The following SRRM4 variants were observed in gnomAD, a reference collection of about 807,000 sequenced individuals.
SRRM4 encodes the protein serine/arginine repetitive matrix 4, also known as serine/arginine repetitive matrix protein 4.
SRRM4 carries 33 observed loss-of-function variants against 68.9 expected under a neutral mutation model. The ratio of observed to expected loss-of-function variants is 0.48; its 90% CI spans 0.36 to 0.64. The LOEUF (loss-of-function observed/expected upper bound fraction) is 0.64. Among genes scored for constraint, SRRM4 ranks in the 30% least tolerant of loss-of-function variants. The pLI, the probability that SRRM4 is intolerant of heterozygous loss-of-function variation, is 0.00. For synonymous variants in SRRM4, 318 were observed against 318.8 expected (o/e 1.00, Z 0.03); for missense variants, 817 against 827.1 (o/e 0.99, Z 0.15).
At chr12:118,991,688 A>G (rs1463122309) in intron 1 of SRRM4, 2 of 152,240 alleles carry the variant, frequency 1.3e-5, no homozygotes, top group African/African-American at 4.8e-5. Context: ...GGAATTGCCA[A>G]TATTCAAAAC....
intron 1 of SRRM4, among the ~76,000 whole-genome samples, chr12:119,005,005 A>G (rs1260707102): frequency 4.0e-5 from 6 of 150,590 alleles, no homozygotes; most frequent in East Asian, 2.4e-4. Flanking sequence ...GCAGCATCAC[A>G]GTTCCTGTGG....
chr12:119,152,679 T>C (rs1195868892), intron 10 of SRRM4, among the ~76,000 whole-genome samples: 2 of 152,210 alleles, frequency 1.3e-5, no homozygotes, highest in East Asian at 3.8e-4. Flanking sequence ...TCATCTTGAC[T>C]CTTTCTTATA....
intron 1 of SRRM4, among the ~76,000 whole-genome samples, chr12:119,101,030 A>T (rs151189203): frequency 1.3e-5 from 2 of 152,104 alleles, no homozygotes; most frequent in African/African-American, 2.4e-5. Flanking sequence ...TTCAATATTG[A>T]CTGGGCTTGA....
intron 1 of SRRM4, among the ~76,000 whole-genome samples, chr12:119,043,430 T>G (rs1424363915): frequency 6.6e-6 from 1 of 152,130 alleles, no homozygotes; most frequent in Non-Finnish European, 1.5e-5. Flanking sequence ...GGATAGCTAA[T>G]GCATGTGGGG....
intron 2 of SRRM4, 158 bp from the exon 3 acceptor site, chr12:119,114,120 T>C: frequency 1.8e-6 from 1 of 565,530 alleles, no homozygotes; most frequent in Non-Finnish European, 3.2e-6. Flanking sequence ...AGGTACTTAG[T>C]CTGAAGTGTG....
In SRRM4 at chr12:119,145,668, C is replaced by G. The variant is rs968778458; in HGVS notation, c.1059C>G (p.Ser353Arg). ...GAMLENLSPT[S>R]RGRESRGFQS... ...TGTTGGAGAATCTCTCCCCCACCAG[C>G]AGGGGCAGAGAGTCAAGGTCAGTGC... The change falls in exon 9 of 13, where the codon AGC (serine) becomes AGG (arginine). Residue 353 changes from serine to arginine, a missense_variant. By Grantham distance (110) the Ser-to-Arg change is moderately radical. Coordinates refer to ENST00000267260, the MANE Select transcript of SRRM4 (RefSeq NM_194286.4). 4 of 1,522,624 alleles carry G rather than the reference C, an allele frequency of 2.6e-6. No individual in the cohort carries two copies. In the African/African-American group the frequency reaches 5.6e-5, roughly 21 times the overall value. The allele number at this position is 1,522,624 out of a possible 1,614,324, so 94.3% of individuals were successfully genotyped here.
At position 118,996,405 on chromosome 12, in the gene SRRM4, C is replaced by CA. The variant is rs142831177; in HGVS notation, c.131+14398dup. On this transcript the variant is annotated intron_variant, in intron 1 of 12. Coordinates refer to ENST00000267260, the MANE Select transcript of SRRM4 (RefSeq NM_194286.4). The stretch of plus-strand genomic sequence containing the variant: ...CTTGTGCAAAAAGATTTCACATATG[C>CA]AAAAAACAAAAAATAAAATTTTCTC... Among the ~76,000 whole-genome samples, 1,355 of 151,972 alleles carry CA rather than the reference C, an allele frequency of 8.9e-3. 29 individuals carry two copies. In the East Asian group the frequency reaches 0.1, roughly 12 times the overall value.
chr12:119,003,770 G>A (rs1051517652), intron 1 of SRRM4, among the ~76,000 whole-genome samples: 2 of 151,986 alleles, frequency 1.3e-5, no homozygotes, highest in Non-Finnish European at 2.9e-5. Context: ...TCATATCTCA[G>A]TGAATGCTTT....
At chr12:119,068,081 C>T (rs920295658) in intron 1 of SRRM4, among the ~76,000 whole-genome samples, 10 of 152,344 alleles carry the variant, frequency 6.6e-5, no homozygotes, top group African/African-American at 1.9e-4. Context: ...ACCGTGGCAG[C>T]GTAACCTGGT....
At chr12:119,107,899 G>C (rs1954116933) in intron 2 of SRRM4, among the ~76,000 whole-genome samples, 1 of 152,060 alleles carries the variant, frequency 6.6e-6, no homozygotes, top group African/African-American at 2.4e-5. Context: ...TCTTTTAATT[G>C]TGATGTTAGG....
intron 1 of SRRM4, among the ~76,000 whole-genome samples, chr12:119,017,978 A>G (rs1953492189): frequency 6.6e-6 from 1 of 152,224 alleles, no homozygotes; most frequent in African/African-American, 2.4e-5. Flanking sequence ...CCTCATCACT[A>G]ACGTGAGGCA....
chr12:119,028,569 T>G (rs1953565470), intron 1 of SRRM4, among the ~76,000 whole-genome samples: 1 of 152,212 alleles, frequency 6.6e-6, no homozygotes, highest in Admixed American at 6.5e-5. Context: ...GCCTCTTTCT[T>G]TTGTAAATTC....
intron 1 of SRRM4, among the ~76,000 whole-genome samples, chr12:119,029,965 C>T (rs538706927): frequency 1.3e-5 from 2 of 152,294 alleles, no homozygotes; most frequent in Admixed American, 6.5e-5. Flanking sequence ...ACCCATGCAG[C>T]TGTCCCAAGG....
rs1254794341 is a variant in SRRM4 at position 119,130,546 on chromosome 12, C to A, written c.615-132C>A. 4 of 804,784 alleles carry A rather than the reference C, an allele frequency of 5.0e-6. No individual in the cohort carries two copies. In the Admixed American group the frequency reaches 9.4e-5, roughly 19 times the overall value. The allele number at this position is 804,784 out of a possible 1,614,324, so 49.9% of individuals were successfully genotyped here. Reference sequence around the variant, plus strand: ...ACACACATGCAGACATACCTAGGAACAATATCACATATGAACATATACAAA... The same window carrying A: ...ACACACATGCAGACATACCTAGGAAAAATATCACATATGAACATATACAAA... On this transcript the variant is annotated intron_variant, in intron 7 of 12. Coordinates refer to ENST00000267260, the MANE Select transcript of SRRM4 (RefSeq NM_194286.4).
intron 1 of SRRM4, among the ~76,000 whole-genome samples, chr12:118,998,688 A>G (rs945035333): frequency 2.0e-5 from 3 of 152,266 alleles, no homozygotes; most frequent in Non-Finnish European, 4.4e-5. Context: ...AAGCTGGTCC[A>G]TGGCTAACCA....
intron 1 of SRRM4, among the ~76,000 whole-genome samples, chr12:119,027,545 G>C (rs763496686): frequency 6.6e-6 from 1 of 151,588 alleles, no homozygotes; most frequent in Non-Finnish European, 1.5e-5. Flanking sequence ...TGCCTTTGCT[G>C]TATACCCTGC....
rs113683432 is a variant in SRRM4 at position 119,082,651 on chromosome 12, C to A, written c.132-19585C>A. Among the ~76,000 whole-genome samples, 486 of 152,318 alleles carry A rather than the reference C, an allele frequency of 3.2e-3. 1 individual carries two copies. Among genetic ancestry groups the A allele is most frequent in the South Asian group, 0.015 (71 of 4,832 alleles). On this transcript the variant is annotated intron_variant, in intron 1 of 12. Transcript: ENST00000267260. ...TTGCTGCCAGCCCTGCACCCAGCAG[C>A]CCCGTTTGACCTCCTCATCCTGGAG...
chr12:119,036,179 T>C (rs989530545), intron 1 of SRRM4, among the ~76,000 whole-genome samples: 3 of 152,220 alleles, frequency 2.0e-5, no homozygotes, highest in African/African-American at 7.2e-5. Context: ...CAGCAAAATT[T>C]CAGCAGTGTC....
At position 119,079,712 on chromosome 12, in the gene SRRM4, C is replaced by T. The variant is rs185624883; in HGVS notation, c.132-22524C>T. Among the ~76,000 whole-genome samples, 7 of 152,242 alleles carry T rather than the reference C, an allele frequency of 4.6e-5. No individual in the cohort carries two copies. The East Asian group carries it at 9.7e-4, about 21-fold the overall frequency. On this transcript the variant is annotated intron_variant, in intron 1 of 12. Transcript: ENST00000267260. ...GGTCAGCTACCCCACTGTAAACCCCCGAAGCATCCTATGTTGTCACATCCT... is the reference window on the plus strand; with the variant it reads ...GGTCAGCTACCCCACTGTAAACCCCTGAAGCATCCTATGTTGTCACATCCT...
Sources: allele counts gnomAD v4.1 joint callset (sites outside exome capture counted in the v4.1 genomes callset), GRCh38; gene constraint gnomAD v4.1.1; transcripts MANE v1.5; gene names NCBI Gene and HGNC (gene_info 2026-07-23, HGNC 2026-07-21).